The following COL6A5 variants were observed in gnomAD, a reference collection of about 807,000 sequenced individuals.
The protein encoded by COL6A5 is collagen alpha-5(VI) chain.
A neutral mutation model predicts 65.6 loss-of-function variants in COL6A5; 48 were observed. The observed-to-expected ratio is 0.73, with a 90% CI of 0.58 to 0.93. COL6A5 has a LOEUF of 0.93. COL6A5 is among the 40% of genes least tolerant of loss of function. COL6A5 has a pLI of 0.00. For missense variants in COL6A5, 914 were observed against 928.3 expected, an observed-to-expected ratio of 0.98 and a Z score of 0.20; for synonymous variants, 291 against 322.8, an observed-to-expected ratio of 0.90 and a Z score of 1.05.
At chr3:130,437,171 G>A (rs1709052559) in intron 1 of COL6A5, among the ~76,000 whole-genome samples, 2 of 151,882 alleles carry the variant, frequency 1.3e-5, no homozygotes, top group Non-Finnish European at 2.9e-5. Flanking sequence ...ATATATGTGT[G>A]TTTGTGTGTG....
intron 6 of COL6A5, 69 bp downstream of exon 6, chr3:130,389,203 A>G: frequency 9.1e-7 from 1 of 1,104,732 alleles, no homozygotes; most frequent in Non-Finnish European, 1.2e-6. Context: ...GAAACAGTGA[A>G]TGGCACTCTG....
chr3:130,376,578 A>C, exon 3 of COL6A5: 1 of 1,606,622 alleles, frequency 6.2e-7, no homozygotes, highest in Non-Finnish European at 8.5e-7. Context: ...GTTTCCCCCA[A>C]TTTTGGTGGT....
At chr3:130,377,731 T>C (rs2107639322) in intron 3 of COL6A5, among the ~76,000 whole-genome samples, 1 of 152,310 alleles carries the variant, frequency 6.6e-6, no homozygotes, top group African/African-American at 2.4e-5. Context: ...TGAGCGTCAG[T>C]TTCCTTACCT....
intron 1 of COL6A5, among the ~76,000 whole-genome samples, chr3:130,438,405 G>GTGAA (rs955738532): frequency 9.5e-5 from 14 of 147,694 alleles, no homozygotes; most frequent in East Asian, 3.9e-4. Context: ...GAGTGAATGA[G>GTGAA]TGAATGAATG....
chr3:130,433,973 AC>A (rs1322310388), intron 1 of COL6A5, among the ~76,000 whole-genome samples: 2 of 146,500 alleles, frequency 1.4e-5, no homozygotes, highest in Non-Finnish European at 3.0e-5. Flanking sequence ...AAAAAAAAAA[AC>A]AAAAACAAAA....
exon 1 of COL6A5, chr3:130,431,608 G>A (rs569432794): frequency 6.5e-5 from 101 of 1,551,524 alleles, no homozygotes; most frequent in Admixed American, 6.3e-4. Flanking sequence ...CTGTCCTGTG[G>A]GAGCAAGAGT....
chr3:130,430,737 T>G (rs1359102947), upstream of COL6A5, among the ~76,000 whole-genome samples: 1 of 152,224 alleles, frequency 6.6e-6, no homozygotes, highest in East Asian at 1.9e-4. Context: ...GAAAGCCAGC[T>G]TTCCTGAAGC....
chr3:130,428,864 A>G (rs953353904), upstream of COL6A5, among the ~76,000 whole-genome samples: 4 of 152,218 alleles, frequency 2.6e-5, no homozygotes, highest in African/African-American at 9.6e-5. Context: ...CGTTGCCAGT[A>G]TTAATAATAT....
At chr3:130,385,202 A>AG (rs1936141732) in exon 5 of COL6A5, 1 of 1,551,106 alleles carries the variant, frequency 6.4e-7, no homozygotes, top group East Asian at 2.4e-5. Context: ...TAAGAGACTA[A>AG]GGGCTGAGCA....
rs1349008152 is a variant in COL6A5, at chr3:130,431,576, A to G, written c.116A>G (p.Asp39Gly). ...GACATCATCACTTCCATTGTCAATG[A>G]CCTTAACATCAGGGAAAATAACTGT... Residue 39 changes from aspartate to glycine, a missense_variant, in exon 1 of 8, where the codon GAC becomes GGC. Physicochemically the swap from Asp to Gly is moderately conservative, Grantham distance 94. Transcript: ENST00000512836. The G allele has an allele frequency of 1.9e-6, 3 of 1,551,634 alleles. No individual in the cohort carries two copies. The South Asian group carries it at 3.6e-5, about 18-fold the overall frequency.
chr3:130,463,716 A>G (rs1709750995), intron 5 of COL6A5, among the ~76,000 whole-genome samples: 1 of 152,106 alleles, frequency 6.6e-6, no homozygotes, highest in African/African-American at 2.4e-5. Context: ...ACACAGCGCC[A>G]TTGTGAGCTA....
At chr3:130,430,613 A>G (rs568831226), upstream of COL6A5, among the ~76,000 whole-genome samples, 1 of 152,354 alleles carries the variant, frequency 6.6e-6, no homozygotes, top group South Asian at 2.1e-4. Context: ...TTCAGTCATC[A>G]TAAGACATGA....
At chr3:130,371,608 C>T (rs117624161) in intron 1 of COL6A5, among the ~76,000 whole-genome samples, 6 of 152,076 alleles carry the variant, frequency 3.9e-5, no homozygotes, top group Admixed American at 6.6e-5. Flanking sequence ...ACTAGGACAA[C>T]GGTAATTGTA....
intron 1 of COL6A5, among the ~76,000 whole-genome samples, chr3:130,359,685 G>A (rs1577424738): frequency 6.6e-6 from 1 of 151,986 alleles, no homozygotes. Flanking sequence ...AAAGTGTGTA[G>A]GACCCGCAGA....
At chr3:130,401,135 G>T (rs1319916384) in exon 11 of COL6A5, 1 of 1,548,326 alleles carries the variant, frequency 6.5e-7, no homozygotes. Flanking sequence ...TCTGACTATT[G>T]GAATGAGAGA....
chr3:130,362,244 A>C (rs954351686), intron 1 of COL6A5, among the ~76,000 whole-genome samples: 3 of 55,124 alleles, frequency 5.4e-5, no homozygotes, highest in African/African-American at 1.8e-4. Context: ...GAAGGGTGTA[A>C]GGTTTCTTTC....
At chr3:130,483,248 A>AG (rs761053944) in intron 7 of COL6A5, among the ~76,000 whole-genome samples, 9 of 152,108 alleles carry the variant, frequency 5.9e-5, no homozygotes, top group Non-Finnish European at 8.8e-5. Context: ...GAAAGAAAAA[A>AG]CCAGTACCAG....
At chr3:130,389,242 T>A in intron 6 of COL6A5, 108 bp downstream of exon 6, 1 of 652,576 alleles carries the variant, frequency 1.5e-6, no homozygotes, top group Non-Finnish European at 2.3e-6. Context: ...ACTTCAGTGT[T>A]AAGTTTTGGT....
At chr3:130,439,193 C>T (rs1007001050) in intron 1 of COL6A5, among the ~76,000 whole-genome samples, 3 of 152,002 alleles carry the variant, frequency 2.0e-5, no homozygotes, top group African/African-American at 7.3e-5. Context: ...TCCAGAATTG[C>T]AGGCTTGGAA....
Sources: gnomAD v4.1 joint callset for allele counts (sites outside exome capture counted in the v4.1 genomes callset) on GRCh38, gnomAD v4.1.1 for gene constraint, MANE v1.5 for transcripts, NCBI Gene and HGNC (gene_info 2026-07-23, HGNC 2026-07-21) for gene names.